Variants in WDR72 observed in about 807,000 individuals in gnomAD.
WDR72 encodes the protein WD repeat-containing protein 72.
In WDR72, 120 loss-of-function variants were observed where a neutral mutation model predicts 124.2. That is an observed-to-expected ratio of 0.97 (90% confidence interval 0.83 to 1.12). The LOEUF is 1.12. Ranked by LOEUF, WDR72 falls within the 50% of genes most tolerant of loss-of-function variation. The pLI, the probability that WDR72 is intolerant of heterozygous loss-of-function variation, is 0.00. For synonymous variants in WDR72, 452 were observed against 441.7 expected, an observed-to-expected ratio of 1.02 and a Z score of -0.29; for missense variants, 1,387 against 1,278.8, an observed-to-expected ratio of 1.08 and a Z score of -1.29.
At chr15:53,627,143 AT>A (rs2014243784) in intron 14 of WDR72, among the ~76,000 whole-genome samples, 1 of 152,222 alleles carries the variant, frequency 6.6e-6, no homozygotes, top group South Asian at 2.1e-4. Flanking sequence ...CCCAACCAAG[AT>A]TCCCAAGTCT....
intron 13 of WDR72, among the ~76,000 whole-genome samples, chr15:53,668,438 A>C (rs1007824635): frequency 1.3e-5 from 2 of 152,216 alleles, no homozygotes; most frequent in African/African-American, 4.8e-5. Flanking sequence ...GTGGATGGGT[A>C]TTCCCACATG....
intron 14 of WDR72, among the ~76,000 whole-genome samples, chr15:53,627,226 T>A (rs981499931): frequency 6.6e-6 from 1 of 152,204 alleles, no homozygotes; most frequent in Non-Finnish European, 1.5e-5. Context: ...TTATTATTTT[T>A]AAAAGATACA....
chr15:53,523,472 T>C, intron 18 of WDR72, 150 bp from the exon 19 acceptor site: 1 of 758,338 alleles, frequency 1.3e-6, no homozygotes, highest in Non-Finnish European at 2.2e-6. Context: ...ATAAAATGTA[T>C]CCTCTAAGTA....
intron 9 of WDR72, among the ~76,000 whole-genome samples, chr15:53,710,283 T>C (rs7168335): frequency 6.6e-6 from 1 of 152,040 alleles, no homozygotes; most frequent in African/African-American, 2.4e-5. Flanking sequence ...ATGTTAACAA[T>C]GTTTTGTCAC....
chr15:53,551,418 T>G (rs1893723683), intron 18 of WDR72, among the ~76,000 whole-genome samples: 1 of 152,198 alleles, frequency 6.6e-6, no homozygotes, highest in Non-Finnish European at 1.5e-5. Flanking sequence ...AAAGGAAATT[T>G]GATCAAACCC....
intron 18 of WDR72, among the ~76,000 whole-genome samples, chr15:53,544,532 A>G (rs1322562532): frequency 1.4e-5 from 2 of 146,846 alleles, no homozygotes; most frequent in Non-Finnish European, 3.0e-5. Flanking sequence ...AGAGCTATCT[A>G]TGACAAACCC....
At chr15:53,720,469 C>T (rs543742173) in intron 3 of WDR72, among the ~76,000 whole-genome samples, 155 of 152,256 alleles carry the variant, frequency 1.0e-3, no homozygotes, top group African/African-American at 3.6e-3. Flanking sequence ...GTTCTTCTTA[C>T]TAAAGAATAT....
At chr15:53,630,710 C>A (rs2014392453) in intron 14 of WDR72, among the ~76,000 whole-genome samples, 1 of 152,148 alleles carries the variant, frequency 6.6e-6, no homozygotes, top group Non-Finnish European at 1.5e-5. Context: ...AGAACTTCTG[C>A]AATCTGATAG....
intron 14 of WDR72, among the ~76,000 whole-genome samples, chr15:53,652,865 T>C (rs1261312486): frequency 6.6e-6 from 1 of 152,154 alleles, no homozygotes; most frequent in African/African-American, 2.4e-5. Flanking sequence ...GTGAATCATT[T>C]CTCCCTAATA....
At chr15:53,567,514 T>C (rs1894344620) in intron 18 of WDR72, among the ~76,000 whole-genome samples, 1 of 152,046 alleles carries the variant, frequency 6.6e-6, no homozygotes, top group Non-Finnish European at 1.5e-5. Context: ...CAATCTCTGT[T>C]GCATATCCAT....
intron 13 of WDR72, among the ~76,000 whole-genome samples, chr15:53,683,167 G>A (rs1421015013): frequency 1.3e-5 from 2 of 152,062 alleles, no homozygotes; most frequent in Non-Finnish European, 2.9e-5. Flanking sequence ...CCCTTCCCTT[G>A]ACACACAGAG....
intron 18 of WDR72, among the ~76,000 whole-genome samples, chr15:53,547,689 C>T (rs936500180): frequency 6.6e-6 from 1 of 152,174 alleles, no homozygotes; most frequent in East Asian, 1.9e-4. Context: ...ATTTCATCCA[C>T]TTGTTCTGCC....
chr15:53,609,698 A>G, intron 16 of WDR72, 106 bp from the exon 17 acceptor site: 1 of 889,842 alleles, frequency 1.1e-6, no homozygotes, highest in Non-Finnish European at 1.8e-6. Context: ...TGTTTTTTAT[A>G]AACACCAATG....
chr15:53,570,909 A>G (rs1566964793), intron 18 of WDR72, among the ~76,000 whole-genome samples: 1 of 152,218 alleles, frequency 6.6e-6, no homozygotes, highest in East Asian at 1.9e-4. Flanking sequence ...ATAAAAAAGA[A>G]TGAAATCTTG....
chr15:53,646,062 G>A (rs746285036), intron 14 of WDR72, among the ~76,000 whole-genome samples: 25 of 152,244 alleles, frequency 1.6e-4, no homozygotes, highest in Admixed American at 4.6e-4. Context: ...AAAAAGCATC[G>A]ATGTTTCTGT....
chr15:53,622,218 G>A (rs10851542), intron 14 of WDR72, among the ~76,000 whole-genome samples: 48,662 of 152,062 alleles, frequency 0.32, 9,667 homozygotes, highest in Middle Eastern at 0.55. Flanking sequence ...ACACTGTAGC[G>A]ATTCCTCGAA....
intron 2 of WDR72, among the ~76,000 whole-genome samples, chr15:53,732,637 G>A (rs2018235350): frequency 6.6e-6 from 1 of 151,972 alleles, no homozygotes; most frequent in Non-Finnish European, 1.5e-5. Context: ...GGCTTTCAAG[G>A]GTGCCCTTTG....
intron 9 of WDR72, among the ~76,000 whole-genome samples, chr15:53,706,356 A>ATATATATATATGTGTGTG (rs2017366561): frequency 4.0e-5 from 2 of 50,416 alleles, no homozygotes; most frequent in African/African-American, 2.0e-4. Context: ...GTGTGTATAT[A>ATATATATATATGTGTGTG]TATATATATA....
At chr15:53,655,935 C>T (rs958595740) in intron 14 of WDR72, among the ~76,000 whole-genome samples, 1 of 152,228 alleles carries the variant, frequency 6.6e-6, no homozygotes, top group Non-Finnish European at 1.5e-5. Context: ...TTGTGATCCA[C>T]CCACCTCGGC....
Sources: allele counts gnomAD v4.1 joint callset (sites outside exome capture counted in the v4.1 genomes callset), GRCh38; gene constraint gnomAD v4.1.1; transcripts MANE v1.5; gene names NCBI Gene and HGNC (gene_info 2026-07-23, HGNC 2026-07-21).